TMEM181: variants seen among roughly 807,000 people sequenced by gnomAD.
The protein encoded by TMEM181 is transmembrane protein 181.
In TMEM181, 39 loss-of-function variants were observed where a neutral mutation model predicts 71.9. The ratio of observed to expected loss-of-function variants is 0.54; its 90% confidence interval spans 0.42 to 0.71. The LOEUF (loss-of-function observed/expected upper bound fraction) is 0.71. Among genes scored for constraint, TMEM181 ranks in the 30% least tolerant of loss-of-function variants. The pLI, the probability that TMEM181 is intolerant of heterozygous loss-of-function variation, is 0.00. For missense variants in TMEM181, 595 were observed against 583.0 expected, an observed-to-expected ratio of 1.02 and a Z score of -0.21; for synonymous variants, 245 against 228.8, an observed-to-expected ratio of 1.07 and a Z score of -0.64.
intron 2 of TMEM181, among the ~76,000 whole-genome samples, chr6:158,576,337 T>C (rs1234217542): frequency 2.0e-5 from 3 of 152,166 alleles, no homozygotes; most frequent in East Asian, 1.9e-4. Context: ...GCATCTGTGC[T>C]CTGATCACTG....
intron 7 of TMEM181, 34 bp downstream of exon 7, chr6:158,605,381 T>C (rs1323669896): frequency 6.3e-7 from 1 of 1,597,908 alleles, no homozygotes; most frequent in Non-Finnish European, 8.6e-7. Context: ...CCGCAGCAGA[T>C]CCCAGCCAGG....
At position 158,602,972 on chromosome 6, in the gene TMEM181, T is replaced by C. The variant is rs140991821; in HGVS notation, c.493-2295T>C. On this transcript the variant is annotated intron_variant, in intron 6 of 16. Coordinates refer to ENST00000684151, the MANE Select transcript of TMEM181 (RefSeq NM_001376852.1). ...GATGTCCACCTTATCTTTGTCCTTA[T>C]CTTCGTCTAATGTAATAATGTTCTT... 4.1e-3 allele frequency among the ~76,000 whole-genome samples: 631 copies of C among 152,304 alleles called. 3 individuals carry two copies. The highest frequency in any genetic ancestry group is 0.014 in the African/African-American group (584 of 41,554).
chr6:158,585,446 C>A, intron 5 of TMEM181, 21 bp downstream of exon 5: 1 of 1,556,782 alleles, frequency 6.4e-7, no homozygotes, highest in Middle Eastern at 1.7e-4. Context: ...GGGGTGAGCC[C>A]CACAGTCAGT....
rs1186468391 is a variant in TMEM181 at position 158,571,386 on chromosome 6, C to T, written c.9-2034C>T. On this transcript the variant is annotated intron_variant, in intron 1 of 16. Coordinates refer to ENST00000684151, the MANE Select transcript of TMEM181 (RefSeq NM_001376852.1). The stretch of plus-strand genomic sequence containing the variant: ...GCTGGGATTATAGGCGTGATCTGCC[C>T]GCCTTGGCCTTGTGATCTGCCCGCC... Among the ~76,000 whole-genome samples the T allele has an allele frequency of 2.0e-4, 17 of 83,084 alleles. 3 individuals are homozygous for T. The highest frequency in any genetic ancestry group is 1.1e-3 in the South Asian group (3 of 2,820). 54.5% of individuals were successfully genotyped at this position (83,084 alleles called of 152,430 possible).
At position 158,608,677 on chromosome 6, in the gene TMEM181, A is replaced by C; in HGVS notation, c.823A>C (p.Thr275Pro). The C allele has an allele frequency of 6.2e-7, 1 of 1,610,702 alleles. No individual in the cohort carries two copies. The highest frequency in any genetic ancestry group is 8.5e-7 in the Non-Finnish European group (1 of 1,179,214). ...IRVQGERKCL[T>P]FYLPKFFIVG... ...TTTTTAGGGAGAAAGAAAGTGTTTA[A>C]CTTTCTATTTGCCTAAATTCTTCAT... Residue 275 changes from threonine (T) to proline (P), a missense_variant, in exon 10 of 17, where the codon ACT becomes CCT. Physicochemically the swap from Thr to Pro is conservative, Grantham distance 38. Transcript: ENST00000684151.
intron 14 of TMEM181, among the ~76,000 whole-genome samples, chr6:158,628,942 T>G (rs757645470): frequency 6.3e-4 from 96 of 152,310 alleles, no homozygotes; most frequent in Admixed American, 2.1e-3. Context: ...CCCCGGGATA[T>G]CTCTCTCATC....
intron 3 of TMEM181, among the ~76,000 whole-genome samples, chr6:158,582,348 G>T (rs959845644): frequency 1.3e-5 from 2 of 152,222 alleles, no homozygotes; most frequent in Admixed American, 1.3e-4. Flanking sequence ...CACTAAGACA[G>T]TAGCTCATTC....
intron 2 of TMEM181, among the ~76,000 whole-genome samples, chr6:158,577,285 G>A (rs1205044586): frequency 1.3e-5 from 2 of 151,956 alleles, no homozygotes; most frequent in Non-Finnish European, 2.9e-5. Context: ...AAACCTAAAA[G>A]GAAACCAAAA....
intron 10 of TMEM181, among the ~76,000 whole-genome samples, chr6:158,622,607 G>A (rs969073127): frequency 1.2e-4 from 18 of 152,198 alleles, no homozygotes; most frequent in Admixed American, 3.3e-4. Flanking sequence ...CTTTTTTCTG[G>A]AATGTCCCAT....
chr6:158,560,024 C>G (rs1375375038), upstream of TMEM181: 11 of 984,748 alleles, frequency 1.1e-5, no homozygotes, highest in Non-Finnish European at 1.3e-5. Flanking sequence ...CCCGCTTCCA[C>G]CGCGCCGCGC....
chr6:158,560,325 G>T, intron 1 of TMEM181, 93 bp downstream of exon 1: 2 of 985,048 alleles, frequency 2.0e-6, no homozygotes, highest in Non-Finnish European at 2.4e-6. Flanking sequence ...GTGCCGCAGG[G>T]TCCCTGGCGC....
chr6:158,563,568 A>T (rs1208519698), intron 1 of TMEM181, among the ~76,000 whole-genome samples: 2 of 152,202 alleles, frequency 1.3e-5, no homozygotes, highest in African/African-American at 2.4e-5. Flanking sequence ...GCCTCCTGCT[A>T]GGGCCAGCAC....
At chr6:158,623,799 C>T (rs1426178753) in intron 11 of TMEM181, among the ~76,000 whole-genome samples, 192 bp downstream of exon 11, 9 of 149,886 alleles carry the variant, frequency 6.0e-5, no homozygotes, top group South Asian at 4.2e-4. Context: ...CTTGCTCTGT[C>T]GCCCAGGCTG....
chr6:158,596,857 G>T (rs1784412691), intron 6 of TMEM181, among the ~76,000 whole-genome samples: 1 of 152,164 alleles, frequency 6.6e-6, no homozygotes, highest in Admixed American at 6.5e-5. Flanking sequence ...AATAGCACGG[G>T]AAAGGCTGGT....
At chr6:158,561,475 C>T (rs1469353729) in intron 1 of TMEM181, among the ~76,000 whole-genome samples, 1 of 152,180 alleles carries the variant, frequency 6.6e-6, no homozygotes, top group Non-Finnish European at 1.5e-5. Context: ...GAACTGTGGC[C>T]TTGTAGCAGA....
chr6:158,569,704 G>A (rs1029439279), intron 1 of TMEM181, among the ~76,000 whole-genome samples: 3 of 151,810 alleles, frequency 2.0e-5, no homozygotes, highest in Non-Finnish European at 4.4e-5. Context: ...GGGTTCAAGC[G>A]ATTCTCCTGC....
chr6:158,598,177 C>G (rs1487617226), intron 6 of TMEM181, among the ~76,000 whole-genome samples: 2 of 152,246 alleles, frequency 1.3e-5, no homozygotes, highest in African/African-American at 4.8e-5. Context: ...CTTGTACTCA[C>G]TTTCCTGTTC....
intron 14 of TMEM181, 70 bp from the exon 15 acceptor site, chr6:158,629,660 T>G (rs1583062688): frequency 6.9e-6 from 9 of 1,300,060 alleles, no homozygotes; most frequent in Middle Eastern, 2.2e-4. Flanking sequence ...GCGGGAGGAG[T>G]GGTCGGGCTG....
chr6:158,587,181 G>A (rs888249316), intron 5 of TMEM181, among the ~76,000 whole-genome samples: 8 of 152,264 alleles, frequency 5.3e-5, no homozygotes, highest in Admixed American at 6.5e-5. Context: ...TTTTAAAATC[G>A]GGACAAGTGG....
Sources: gnomAD v4.1 joint callset for allele counts (sites outside exome capture counted in the v4.1 genomes callset) on GRCh38, gnomAD v4.1.1 for gene constraint, MANE v1.5 for transcripts, NCBI Gene and HGNC (gene_info 2026-07-23, HGNC 2026-07-21) for gene names.